ERCC6: variants seen among roughly 807,000 people sequenced by gnomAD.
The protein encoded by ERCC6 is DNA excision repair protein ERCC-6.
In ERCC6, 116 loss-of-function variants were observed where a neutral mutation model predicts 158.7. The observed-to-expected ratio is 0.73, with a 90% confidence interval of 0.63 to 0.85. The LOEUF is 0.85. ERCC6 is among the 40% of genes least tolerant of loss of function. The pLI is 0.00. For synonymous variants in ERCC6, 678 were observed against 659.3 expected, an observed-to-expected ratio of 1.03 and a Z score of -0.43; for missense variants, 1,698 against 1,799.4, an observed-to-expected ratio of 0.94 and a Z score of 1.02.
chr10:49,501,988 A>G (rs1166307860), intron 6 of ERCC6: 4 of 152,204 alleles, frequency 2.6e-5, no homozygotes, highest in Admixed American at 1.3e-4. Flanking sequence ...ATGATGCAAG[A>G]TAAGGCATTT....
intron 7 of ERCC6, 81 bp downstream of exon 7, chr10:49,500,457 C>T (rs1851337239): frequency 2.0e-6 from 3 of 1,479,012 alleles, no homozygotes; most frequent in South Asian, 1.1e-5. Flanking sequence ...CAATAATTCA[C>T]AAGACCCTCC....
chr10:49,536,538 C>A (rs1376897183), intron 1 of ERCC6, among the ~76,000 whole-genome samples: 1 of 152,172 alleles, frequency 6.6e-6, no homozygotes, highest in African/African-American at 2.4e-5. Context: ...AAATATCCCA[C>A]AAAGCAGCAA....
chr10:49,511,839 T>C (rs1836824000), intron 5 of ERCC6, among the ~76,000 whole-genome samples: 1 of 151,932 alleles, frequency 6.6e-6, no homozygotes, highest in South Asian at 2.1e-4. Flanking sequence ...GAAAACCGAA[T>C]GTAGGCAAAA....
At chr10:49,476,543 A>G (rs1391900637) in intron 11 of ERCC6, among the ~76,000 whole-genome samples, 5 of 151,916 alleles carry the variant, frequency 3.3e-5, no homozygotes, top group African/African-American at 1.2e-4. Flanking sequence ...ACAGTCCCCA[A>G]AGACTGGCTT....
Position 49,526,212 on chromosome 10 carries a change from G to A in ERCC6, c.653-1435C>T, listed in dbSNP as rs764647091. 5.6e-5 allele frequency among the ~76,000 whole-genome samples: 8 copies of A among 142,486 alleles called. No homozygotes were observed. The South Asian group carries it at 9.1e-4, about 16-fold the overall frequency. 93.5% of individuals were successfully genotyped at this position (142,486 alleles called of 152,430 possible). The stretch of plus-strand genomic sequence containing the variant: ...CACTGTCAGTTTTCCAAAGTGTTAC[G>A]TTCCAAAGTCCCCATCAACTGTGTC... On this transcript the variant is annotated intron_variant, in intron 4 of 20. Coordinates refer to ENST00000355832, the MANE Select transcript of ERCC6 (RefSeq NM_000124.4).
chr10:49,482,538 G>GGTTT, intron 10 of ERCC6, 149 bp downstream of exon 10: 1 of 542,474 alleles, frequency 1.8e-6, no homozygotes, highest in East Asian at 3.2e-5. Flanking sequence ...ATAATTTTGT[G>GGTTT]ATTTTTTTTT....
rs1167571649 is a variant in ERCC6 at position 49,500,650 on chromosome 10, G to C, written c.1573C>G (p.Gln525Glu). 1.9e-6 allele frequency: 3 copies of C among 1,613,808 alleles called. No individual in the cohort carries two copies. Among genetic ancestry groups the C allele is most frequent in the Non-Finnish European group, 8.5e-7 (1 of 1,179,894 alleles). Residue 525 changes from glutamine to glutamate, a missense_variant, in exon 7 of 21, where the codon CAG becomes GAG. By Grantham distance (29) the Gln-to-Glu change is conservative. Transcript: ENST00000355832. ...VRWLWELHCQ[Q>E]AGGILGDEMG... ...TCATCTCCCAGAATTCCTCCTGCCT[G>C]CTGGCAGTGCAATTCCCACAGCCAC...
the ERCC6 span, among the ~76,000 whole-genome samples, chr10:49,442,264 C>G: frequency 1.4e-4 from 22 of 152,254 alleles, no homozygotes; most frequent in African/African-American, 4.8e-4. Context: ...CTCTCGCGCT[C>G]TCTGCCTCAG....
intron 8 of ERCC6, chr10:49,488,517 C>T (rs1030328010): frequency 6.6e-6 from 1 of 152,150 alleles, no homozygotes; most frequent in African/African-American, 2.4e-5. Flanking sequence ...ATCATGTCTT[C>T]TATAAGGTGT....
Position 49,458,856 on chromosome 10 carries a change from CAGA to C in ERCC6, c.4438_4440del (p.Ser1480del), listed in dbSNP as rs886047032. 3.7e-6 allele frequency: 6 copies of C among 1,614,176 alleles called. No homozygotes were observed. Among genetic ancestry groups the C allele is most frequent in the Non-Finnish European group, 5.1e-6 (6 of 1,180,038 alleles). ...TTGAGTTTCCAAATTCCTTCACCAC[CAGA>C]AGTTCTATGGAAAGTGCACAGATTT... On this transcript the variant is annotated inframe_deletion, in exon 21 of 21. Transcript: ENST00000355832.
Position 49,530,846 on chromosome 10 carries a change from A to G in ERCC6, c.423-6T>C. ...TTAGGGATGTCGTACATGACCTGAA[A>G]AATAAGATAAATTGTCTATTTTGCA... is the stretch of plus-strand genomic sequence containing the variant. On this transcript the variant is annotated splice_region_variant and splice_polypyrimidine_tract_variant and intron_variant, in intron 2 of 20. Transcript: ENST00000355832. The G allele has an allele frequency of 1.9e-6, 3 of 1,612,826 alleles. No individual in the cohort carries two copies. Among genetic ancestry groups the G allele is most frequent in the Non-Finnish European group, 2.5e-6 (3 of 1,179,490 alleles).
chr10:49,473,172 T>C, intron 14 of ERCC6, 144 bp from the exon 15 acceptor site: 1 of 1,131,032 alleles, frequency 8.8e-7, no homozygotes, highest in Non-Finnish European at 1.3e-6. Context: ...CTCTGGTGAA[T>C]CAAAATCTCA....
Position 49,493,162 on chromosome 10 carries a change from G to A in ERCC6, c.1776C>T (p.Phe592=). Residue 592 remains phenylalanine, a synonymous_variant, in exon 8 of 21, where the codon TTC becomes TTT. Transcript: ENST00000355832. ...CGGTTTCATGTAGAATTGCCACTCT[G>A]AACGGAGGCCACCACGTGTGAAATT... The part of the protein sequence containing the change: ...VKEFHTWWPP[F]RVAILHETGS... 1 of 1,614,070 alleles carries A rather than the reference G, an allele frequency of 6.2e-7. No individual in the cohort carries two copies. The highest frequency in any genetic ancestry group is 8.5e-7 in the Non-Finnish European group (1 of 1,179,986).
intron 1 of ERCC6, among the ~76,000 whole-genome samples, chr10:49,535,057 T>C (rs937645473): frequency 1.3e-5 from 2 of 152,190 alleles, no homozygotes; most frequent in African/African-American, 4.8e-5. Flanking sequence ...AACTGAGATT[T>C]GAACACATGG....
the ERCC6 span, among the ~76,000 whole-genome samples, chr10:49,446,215 C>CA: frequency 6.9e-6 from 1 of 143,958 alleles, no homozygotes; most frequent in Non-Finnish European, 1.5e-5. Context: ...CCCATCTTTA[C>CA]ACACAAAAAC....
rs1850915242 is a variant in ERCC6, at chr10:49,478,385, A to T, written c.2255T>A (p.Met752Lys). 1 of 1,613,614 alleles carries T rather than the reference A, an allele frequency of 6.2e-7. No individual in the cohort carries two copies. Among genetic ancestry groups the T allele is most frequent in the African/African-American group, 1.3e-5 (1 of 75,016 alleles). Residue 752 changes from methionine to lysine, a missense_variant, in exon 11 of 21, where the codon ATG (methionine) becomes AAG (lysine). Coordinates refer to ENST00000355832, the MANE Select transcript of ERCC6 (RefSeq NM_000124.4). ...LLRRMKSDVK[M>K]SLSLPDKNEQ... is the part of the protein sequence containing the mutation. Reference sequence around the variant, plus strand: ...ATTTTTATCTGGCAAAGAAAGGCTCATCTTGACATCTGACTTCATTCTCCG... The same window carrying T: ...ATTTTTATCTGGCAAAGAAAGGCTCTTCTTGACATCTGACTTCATTCTCCG...
intron 10 of ERCC6, among the ~76,000 whole-genome samples, chr10:49,481,537 A>G (rs2132550239): frequency 6.6e-6 from 1 of 152,360 alleles, no homozygotes; most frequent in African/African-American, 2.4e-5. Context: ...GGAAGGTCTC[A>G]TCCCTGGCTC....
chr10:49,520,946 T>C (rs1032181452), intron 5 of ERCC6, among the ~76,000 whole-genome samples: 3 of 152,130 alleles, frequency 2.0e-5, no homozygotes, highest in African/African-American at 4.8e-5. Context: ...TGGATAAGGG[T>C]CATATTAATA....
At chr10:49,496,893 T>C (rs893622241) in intron 7 of ERCC6, among the ~76,000 whole-genome samples, 1 of 152,204 alleles carries the variant, frequency 6.6e-6, no homozygotes, top group Non-Finnish European at 1.5e-5. Flanking sequence ...TTAAAAATCA[T>C]CTACTACACA....
Sources: allele counts gnomAD v4.1 joint callset (sites outside exome capture counted in the v4.1 genomes callset), GRCh38; gene constraint gnomAD v4.1.1; transcripts MANE v1.5; gene names NCBI Gene and HGNC (gene_info 2026-07-23, HGNC 2026-07-21).